The following RBFOX1 variants were observed in gnomAD, a reference collection of about 807,000 sequenced individuals.
RBFOX1 encodes the protein RNA binding protein fox-1 homolog 1.
RBFOX1 carries 8 observed loss-of-function variants against 57.7 expected under a neutral mutation model. That is an observed-to-expected ratio of 0.14 (90% confidence interval 0.08 to 0.25). RBFOX1 has a LOEUF of 0.25. RBFOX1 is among the 10% of genes least tolerant of loss of function. The pLI is 1.00. For synonymous variants in RBFOX1, 326 were observed against 222.4 expected, an observed-to-expected ratio of 1.47 and a Z score of -4.15; for missense variants, 611 against 548.5, an observed-to-expected ratio of 1.11 and a Z score of -1.14.
At chr16:5,507,460 A>G (rs1393564283) in intron 2 of RBFOX1, among the ~76,000 whole-genome samples, 1 of 152,080 alleles carries the variant, frequency 6.6e-6, no homozygotes, top group Non-Finnish European at 1.5e-5. Flanking sequence ...TGGGAATGGG[A>G]GAGAGCAGGC....
intron 4 of RBFOX1, among the ~76,000 whole-genome samples, chr16:6,012,019 C>T (rs2152339166): frequency 6.6e-6 from 1 of 152,328 alleles, no homozygotes; most frequent in East Asian, 1.9e-4. Context: ...AGGAAGTCAC[C>T]ACTCACTTCC....
chr16:6,542,445 A>C (rs908652943), intron 2 of RBFOX1, among the ~76,000 whole-genome samples: 7 of 139,010 alleles, frequency 5.0e-5, no homozygotes, highest in Non-Finnish European at 1.1e-4. Flanking sequence ...GTCTCAGTGG[A>C]TAATCGCATG....
At chr16:7,466,158 G>C (rs2060481117) in intron 4 of RBFOX1, among the ~76,000 whole-genome samples, 1 of 152,122 alleles carries the variant, frequency 6.6e-6, no homozygotes, top group Admixed American at 6.5e-5. Context: ...TCAGCAATAG[G>C]ATTCAACTGC....
intron 1 of RBFOX1, among the ~76,000 whole-genome samples, chr16:6,221,135 G>A (rs1411022392): frequency 6.6e-6 from 1 of 152,056 alleles, no homozygotes; most frequent in Non-Finnish European, 1.5e-5. Flanking sequence ...ATAGGATTAG[G>A]GAAATGGAAA....
intron 4 of RBFOX1, among the ~76,000 whole-genome samples, chr16:7,375,446 A>G (rs191260991): frequency 2.6e-5 from 4 of 152,136 alleles, no homozygotes; most frequent in Non-Finnish European, 4.4e-5. Context: ...ATGGAATCTC[A>G]ATCCAGGAAA....
intron 3 of RBFOX1, among the ~76,000 whole-genome samples, chr16:6,780,557 C>CATATTTATATATATTTAT (rs2080825183): frequency 2.5e-5 from 3 of 119,486 alleles, no homozygotes; most frequent in Non-Finnish European, 4.8e-5. Context: ...TATATATTTA[C>CATATTTATATATATTTAT]ATATTTATAT....
intron 1 of RBFOX1, among the ~76,000 whole-genome samples, chr16:6,062,190 TAAG>T (rs1003632992): frequency 1.3e-5 from 2 of 152,188 alleles, no homozygotes; most frequent in African/African-American, 4.8e-5. Flanking sequence ...CCCCACTAGT[TAAG>T]AAGCTCTCTG....
rs187761264 is a variant in RBFOX1 at position 5,453,426 on chromosome 16, A to C, written c.220-13790A>C. ...AAGAATACCATGGCACACTCTTAGC[A>C]TCACATACTGTAGAAGGATAGAGGA... On this transcript the variant is annotated intron_variant, in intron 1 of 2. Transcript: ENST00000585867. Among the ~76,000 whole-genome samples, 127 of 152,312 alleles carry C rather than the reference A, an allele frequency of 8.3e-4. 1 individual carries two copies. The highest frequency in any genetic ancestry group is 2.4e-3 in the Admixed American group (37 of 15,296).
chr16:5,336,979 G>A lies in RBFOX1; in HGVS notation c.219+96874G>A, dbSNP rs116723481. Reference sequence around the variant, plus strand: ...TAAGTACCTTTCTTGCTAGAGCTCCGGGAGATTTAAGAGGTGCCAATTAAT... The same window carrying A: ...TAAGTACCTTTCTTGCTAGAGCTCCAGGAGATTTAAGAGGTGCCAATTAAT... On this transcript the variant is annotated intron_variant, in intron 1 of 2. Transcript: ENST00000585867. Among the ~76,000 whole-genome samples the A allele has an allele frequency of 4.2e-3, 647 of 152,296 alleles. 5 individuals are homozygous for A. Among genetic ancestry groups the A allele is most frequent in the African/African-American group, 0.014 (602 of 41,552 alleles).
At chr16:7,008,539 CA>C (rs570659825) in intron 3 of RBFOX1, among the ~76,000 whole-genome samples, 2 of 149,054 alleles carry the variant, frequency 1.3e-5, no homozygotes, top group South Asian at 2.1e-4. Flanking sequence ...GACTTTGTCT[CA>C]AAAAAAAAGT....
At chr16:6,980,773 T>G (rs1371439567) in intron 3 of RBFOX1, among the ~76,000 whole-genome samples, 1 of 152,168 alleles carries the variant, frequency 6.6e-6, no homozygotes, top group Non-Finnish European at 1.5e-5. Flanking sequence ...GCAGGTACAG[T>G]AGCTCATGCC....
At chr16:7,708,447 TAATGTGACAG>T (rs1413106315) in intron 14 of RBFOX1, among the ~76,000 whole-genome samples, 6 of 152,190 alleles carry the variant, frequency 3.9e-5, no homozygotes, top group African/African-American at 9.6e-5. Context: ...GGCCATGGAT[TAATGTGACAG>T]AAGTTCTGGA....
At chr16:7,386,432 A>T (rs1307300789) in intron 4 of RBFOX1, among the ~76,000 whole-genome samples, 1 of 119,088 alleles carries the variant, frequency 8.4e-6, no homozygotes, top group Admixed American at 1.2e-4. Context: ...CCCTGTGTCC[A>T]TGTATTCTCA....
chr16:7,235,975 C>A (rs1303128222), intron 4 of RBFOX1, among the ~76,000 whole-genome samples: 2 of 152,154 alleles, frequency 1.3e-5, no homozygotes, highest in Non-Finnish European at 2.9e-5. Context: ...CATTTTCTGG[C>A]TTGCACCATT....
chr16:6,868,506 C>G (rs760318291), intron 3 of RBFOX1, among the ~76,000 whole-genome samples: 1 of 152,072 alleles, frequency 6.6e-6, no homozygotes, highest in East Asian at 1.9e-4. Context: ...CAGTCTCACT[C>G]TGTCACCCAG....
intron 2 of RBFOX1, among the ~76,000 whole-genome samples, chr16:6,399,427 C>T (rs1374943674): frequency 2.0e-5 from 3 of 152,200 alleles, no homozygotes; most frequent in South Asian, 4.1e-4. Flanking sequence ...AGGGCAGGAG[C>T]AAAATGCCAC....
intron 4 of RBFOX1, among the ~76,000 whole-genome samples, chr16:7,479,615 A>T (rs2063471382): frequency 2.0e-5 from 3 of 152,152 alleles, no homozygotes; most frequent in African/African-American, 7.2e-5. Flanking sequence ...ATCTCACCAC[A>T]GCTCAGAGAT....
In RBFOX1 at chr16:7,684,515, T is replaced by A. The variant is rs535312696; in HGVS notation, c.995+7677T>A. 8.1e-4 allele frequency among the ~76,000 whole-genome samples: 123 copies of A among 152,082 alleles called. 1 individual carries two copies. The highest frequency in any genetic ancestry group is 1.1e-3 in the Non-Finnish European group (77 of 67,974). ...TCAAAGCCAAATATTCTCGTAATTA[T>A]CCCAATCATTTAGATTGAAATGCTT... On this transcript the variant is annotated intron_variant, in intron 14 of 15. Transcript: ENST00000550418.
chr16:6,462,664 T>G (rs2094947126), intron 2 of RBFOX1, among the ~76,000 whole-genome samples: 1 of 152,292 alleles, frequency 6.6e-6, no homozygotes, highest in African/African-American at 2.4e-5. Context: ...CTCACCAATT[T>G]TTTAATTTCA....
Sources: allele counts gnomAD v4.1 joint callset (sites outside exome capture counted in the v4.1 genomes callset), GRCh38; gene constraint gnomAD v4.1.1; transcripts MANE v1.5; gene names NCBI Gene and HGNC (gene_info 2026-07-23, HGNC 2026-07-21).